MACROD2: variants seen among roughly 807,000 people sequenced by gnomAD.
MACROD2 encodes mono-ADP ribosylhydrolase 2.
Under a neutral mutation model 70.4 loss-of-function variants are expected in MACROD2, and 36 were observed. The ratio of observed to expected loss-of-function variants is 0.51; its 90% CI spans 0.39 to 0.68. The LOEUF (loss-of-function observed/expected upper bound fraction) is 0.68. MACROD2 is among the 30% of genes least tolerant of loss of function. The pLI, the probability that MACROD2 is intolerant of heterozygous loss-of-function variation, is 0.00. For missense variants in MACROD2, 496 were observed against 538.4 expected, an observed-to-expected ratio of 0.92 and a Z score of 0.78; for synonymous variants, 172 against 178.8, an observed-to-expected ratio of 0.96 and a Z score of 0.30.
chr20:15,789,792 G>T (rs1339314130), intron 8 of MACROD2, among the ~76,000 whole-genome samples: 1 of 151,916 alleles, frequency 6.6e-6, no homozygotes, highest in Non-Finnish European at 1.5e-5. Flanking sequence ...AGTTATATTA[G>T]AAATTAAAAG....
intron 8 of MACROD2, among the ~76,000 whole-genome samples, chr20:15,563,951 ATAT>A (rs2048278257): frequency 6.6e-6 from 1 of 152,170 alleles, no homozygotes; most frequent in Admixed American, 6.5e-5. Context: ...GTGTTATTTC[ATAT>A]TATTAAATGA....
chr20:15,747,343 G>C (rs1477162397), intron 8 of MACROD2, among the ~76,000 whole-genome samples: 1 of 152,098 alleles, frequency 6.6e-6, no homozygotes, highest in Non-Finnish European at 1.5e-5. Flanking sequence ...AAGTAGGTGT[G>C]GGGAAGGTGG....
intron 6 of MACROD2, among the ~76,000 whole-genome samples, chr20:15,342,276 G>A (rs1024330890): frequency 3.9e-5 from 6 of 152,100 alleles, no homozygotes; most frequent in African/African-American, 1.2e-4. Context: ...ACTGACAAAT[G>A]GCCTCCAGAA....
At chr20:15,145,296 G>A (rs893264787) in intron 5 of MACROD2, among the ~76,000 whole-genome samples, 4 of 152,116 alleles carry the variant, frequency 2.6e-5, no homozygotes, top group African/African-American at 9.7e-5. Context: ...TATTTTCTGG[G>A]TTTCAAGGAT....
chr20:15,012,719 G>T (rs899675528), intron 5 of MACROD2, among the ~76,000 whole-genome samples: 2 of 152,048 alleles, frequency 1.3e-5, no homozygotes, highest in Non-Finnish European at 2.9e-5. Context: ...CCTCACCCAC[G>T]CTCCCCCTAC....
intron 4 of MACROD2, among the ~76,000 whole-genome samples, chr20:14,531,776 G>A (rs1388849158): frequency 2.0e-5 from 3 of 152,138 alleles, no homozygotes; most frequent in Admixed American, 2.0e-4. Context: ...GCCATAAGCA[G>A]TCCAGTATCT....
At chr20:15,511,344 T>C (rs1353495344) in intron 8 of MACROD2, among the ~76,000 whole-genome samples, 4 of 152,246 alleles carry the variant, frequency 2.6e-5, no homozygotes, top group African/African-American at 9.6e-5. Flanking sequence ...CCTTAGCTTC[T>C]TTCTGCATTG....
chr20:14,906,014 TG>T (rs2073954528), intron 5 of MACROD2: 1 of 152,146 alleles, frequency 6.6e-6, no homozygotes, highest in Non-Finnish European at 1.5e-5. Context: ...TTCTTTGACT[TG>T]GTACTTCCAC....
chr20:15,487,226 T>C (rs1412897183), intron 7 of MACROD2, among the ~76,000 whole-genome samples: 3 of 152,152 alleles, frequency 2.0e-5, no homozygotes, highest in African/African-American at 4.8e-5. Context: ...AAGCGAAGAA[T>C]TGGGAACACT....
chr20:15,380,191 C>G (rs1049374631), intron 6 of MACROD2, among the ~76,000 whole-genome samples: 2 of 152,114 alleles, frequency 1.3e-5, no homozygotes, highest in Non-Finnish European at 2.9e-5. Flanking sequence ...TAAAAAAACC[C>G]TCAGCACAGC....
At chr20:14,177,991 A>G (rs889374445) in intron 3 of MACROD2, among the ~76,000 whole-genome samples, 2 of 152,176 alleles carry the variant, frequency 1.3e-5, no homozygotes, top group African/African-American at 4.8e-5. Context: ...AAAAGAGAAG[A>G]TTGATAAATT....
chr20:15,171,469 A>AC (rs1388281201), intron 5 of MACROD2, among the ~76,000 whole-genome samples: 2 of 143,896 alleles, frequency 1.4e-5, no homozygotes, highest in Non-Finnish European at 3.0e-5. Context: ...TCTCCTTATC[A>AC]CCCCCTGACC....
chr20:14,113,976 A>G (rs2054484839), intron 3 of MACROD2, among the ~76,000 whole-genome samples: 1 of 152,142 alleles, frequency 6.6e-6, no homozygotes, highest in African/African-American at 2.4e-5. Context: ...AACTACTATA[A>G]TAGATAATCC....
intron 8 of MACROD2, among the ~76,000 whole-genome samples, chr20:15,801,019 C>G (rs1452483338): frequency 6.7e-6 from 1 of 150,374 alleles, no homozygotes; most frequent in African/African-American, 2.5e-5. Context: ...TCGCCACTCC[C>G]TAATCTCAAG....
intron 4 of MACROD2, among the ~76,000 whole-genome samples, chr20:14,518,460 G>A (rs1009710749): frequency 2.0e-5 from 3 of 151,976 alleles, no homozygotes; most frequent in African/African-American, 7.2e-5. Flanking sequence ...TTCTTTATGT[G>A]AATGGAAATC....
intron 6 of MACROD2, among the ~76,000 whole-genome samples, chr20:15,353,076 G>A (rs1490799329): frequency 1.3e-5 from 2 of 152,056 alleles, no homozygotes; most frequent in East Asian, 3.9e-4. Flanking sequence ...CAAAGCTGGA[G>A]GCATCACACT....
chr20:15,936,178 TTATATGTATAAATATACCA>T (rs1286333075), intron 11 of MACROD2, among the ~76,000 whole-genome samples: 69 of 149,490 alleles, frequency 4.6e-4, no homozygotes, highest in African/African-American at 1.6e-3. Context: ...TATATATAGT[TTATATGTATAAATATACCA>T]TATATGTATA....
chr20:14,006,429 A>G (rs1312446248), intron 2 of MACROD2, among the ~76,000 whole-genome samples: 1 of 152,220 alleles, frequency 6.6e-6, no homozygotes, highest in Non-Finnish European at 1.5e-5. Flanking sequence ...AATTTTATCT[A>G]TAAATGAGTA....
At chr20:15,115,166 G>C (rs2075983226) in intron 5 of MACROD2, among the ~76,000 whole-genome samples, 1 of 152,082 alleles carries the variant, frequency 6.6e-6, no homozygotes, top group African/African-American at 2.4e-5. Flanking sequence ...TTGATACATA[G>C]AGCCCTGTTG....
Sources: gnomAD v4.1 joint callset for allele counts (sites outside exome capture counted in the v4.1 genomes callset) on GRCh38, gnomAD v4.1.1 for gene constraint, MANE v1.5 for transcripts, NCBI Gene and HGNC (gene_info 2026-07-23, HGNC 2026-07-21) for gene names.